Variants in ADGRG4 observed in about 807,000 individuals in gnomAD.
ADGRG4 encodes adhesion G protein-coupled receptor G4, also known as G protein-coupled receptor 112.
ADGRG4 carries 122 observed loss-of-function variants against 126.2 expected under a neutral mutation model. The observed-to-expected ratio is 0.97, with a 90% confidence interval of 0.83 to 1.12. The LOEUF is 1.12. Ranked by LOEUF, ADGRG4 falls within the 50% of genes most tolerant of loss-of-function variation. The pLI is 0.00. For missense variants in ADGRG4, 2,481 were observed against 2,251.8 expected (o/e 1.10, Z -2.06); for synonymous variants, 943 against 838.7 (o/e 1.12, Z -2.15).
chrX:136,351,472 C>T lies in ADGRG4; in HGVS notation c.6753C>T (p.Ser2251=), dbSNP rs749773321. 1 of 1,151,993 alleles carries T rather than the reference C, an allele frequency of 8.7e-7. No individual in the cohort carries two copies. The highest frequency in any genetic ancestry group is 2.4e-5 in the Admixed American group (1 of 41,371). The allele number at this position is 1,151,993 out of a possible 1,213,427, so 94.9% of individuals were successfully genotyped here. ...STVSFYNVEM[S]FSVFVEEPRI... ...TTTCCTTCTACAATGTTGAAATGAG[C>T]TTCTCTGTCTTTGTTGAAGAGCCAA... Residue 2251 remains serine (S), a synonymous_variant, in exon 7 of 26, where the codon AGC becomes AGT. Coordinates refer to ENST00000394143, the MANE Select transcript of ADGRG4 (RefSeq NM_153834.4).
intron 5 of ADGRG4, among the ~76,000 whole-genome samples, chrX:136,340,521 T>C (rs2074973130): frequency 8.9e-6 from 1 of 111,823 alleles, no homozygotes; most frequent in African/African-American, 3.2e-5. Flanking sequence ...TTTCACTGTT[T>C]TGGATGATTG....
intron 5 of ADGRG4, 121 bp from the exon 6 acceptor site, chrX:136,344,271 G>A (rs962464132): frequency 2.1e-6 from 1 of 475,482 alleles, no homozygotes; most frequent in East Asian, 3.8e-5. Flanking sequence ...AAGTGATCAA[G>A]TGATTTGATT....
At position 136,345,354 on chromosome X, in the gene ADGRG4, A is replaced by G. The variant is rs763208368; in HGVS notation, c.1648A>G (p.Lys550Glu). 16 of 1,209,374 alleles carry G rather than the reference A, an allele frequency of 1.3e-5. No individual in the cohort carries two copies. In the East Asian group the frequency reaches 4.7e-4, roughly 36 times the overall value. The change falls in exon 6 of 26, where the codon AAA becomes GAA. Residue 550 changes from lysine to glutamate, a missense_variant. Lys to Glu is a moderately conservative substitution (Grantham distance 56). Transcript: ENST00000394143. ...VEDAMSTSMS[K>E]ETSSKTFSFL... Reference sequence around the variant, plus strand: ...AGATGCCATGTCTACTTCCATGTCGAAAGAGACCTCCTCTAAGACCTTTTC... The same window carrying G: ...AGATGCCATGTCTACTTCCATGTCGGAAGAGACCTCCTCTAAGACCTTTTC...
chrX:136,309,610 A>T (rs1296765882), intron 4 of ADGRG4, among the ~76,000 whole-genome samples: 1 of 112,067 alleles, frequency 8.9e-6, no homozygotes, highest in Non-Finnish European at 1.9e-5. Context: ...CTCAAGCGTA[A>T]GAGCTAATCT....
At position 136,359,436 on chromosome X, in the gene ADGRG4, C is replaced by T; in HGVS notation, c.7125C>T (p.His2375=). The change falls in exon 11 of 26, where the codon CAC becomes CAT. Residue 2375 remains histidine, a synonymous_variant. Transcript: ENST00000394143. ...DQLTLLVNCE[H]VAVKKLEPGN... is the part of the protein sequence containing the mutation. ...TGACGTTATTAGTAAACTGTGAACA[C>T]GTTGCAGTGAAAAAACTAGGTAATT... The T allele has an allele frequency of 1.7e-6, 2 of 1,196,058 alleles. No individual in the cohort carries two copies. The highest frequency in any genetic ancestry group is 2.2e-6 in the Non-Finnish European group (2 of 889,003).
At chrX:136,318,452 G>C (rs2074819027) in intron 4 of ADGRG4, among the ~76,000 whole-genome samples, 1 of 111,860 alleles carries the variant, frequency 8.9e-6, no homozygotes, top group African/African-American at 3.2e-5. Context: ...TCTGGAATTA[G>C]ATAATGGCGA....
At chrX:136,369,430 G>T (rs1362383644) in intron 13 of ADGRG4, among the ~76,000 whole-genome samples, 2 of 111,946 alleles carry the variant, frequency 1.8e-5, no homozygotes, top group Admixed American at 9.5e-5. Flanking sequence ...TTTACACGAT[G>T]AGTGTAATTT....
At position 136,348,539 on chromosome X, in the gene ADGRG4, A is replaced by T. The variant is rs776653599; in HGVS notation, c.4833A>T (p.Thr1611=). Residue 1611 remains threonine (T), a synonymous_variant, in exon 6 of 26, where the codon ACA becomes ACT. Transcript: ENST00000394143. The stretch of plus-strand genomic sequence containing the variant: ...TGCAAACATCTACATTGGATGTCAC[A>T]CCTGTGATATATGCTGGGGCTACTT... ...MTMQTSTLDV[T]PVIYAGATSK... 1 of 1,207,493 alleles carries T rather than the reference A, an allele frequency of 8.3e-7. No individual in the cohort carries two copies. Among genetic ancestry groups the T allele is most frequent in the East Asian group, 3.0e-5 (1 of 33,767 alleles).
At chrX:136,311,837 A>C (rs1014053186) in intron 4 of ADGRG4, among the ~76,000 whole-genome samples, 1 of 110,965 alleles carries the variant, frequency 9.0e-6, no homozygotes, top group Admixed American at 9.7e-5. Context: ...GAAAAGCCCT[A>C]TCTTTTCTTT....
intron 16 of ADGRG4, among the ~76,000 whole-genome samples, chrX:136,388,924 T>C (rs2075305483): frequency 1.8e-5 from 2 of 112,288 alleles, no homozygotes; most frequent in Non-Finnish European, 1.9e-5. Context: ...ACAATAATTT[T>C]CCCAGATGTG....
chrX:136,370,013 A>C (rs1342179952), intron 13 of ADGRG4, among the ~76,000 whole-genome samples: 1 of 112,042 alleles, frequency 8.9e-6, no homozygotes, highest in Non-Finnish European at 1.9e-5. Context: ...GAAAGCAAAA[A>C]GTAGCCTGTG....
intron 16 of ADGRG4, among the ~76,000 whole-genome samples, chrX:136,389,517 C>T (rs1003682338): frequency 2.7e-5 from 3 of 111,797 alleles, no homozygotes; most frequent in Non-Finnish European, 5.6e-5. Context: ...ATCATAGTAC[C>T]AGATGAAGAA....
At chrX:136,341,205 C>T (rs1248674275) in intron 5 of ADGRG4, among the ~76,000 whole-genome samples, 1 of 112,517 alleles carries the variant, frequency 8.9e-6, no homozygotes, top group Non-Finnish European at 1.9e-5. Flanking sequence ...CATTCCCCGT[C>T]TTCTAAAAGA....
Position 136,405,894 on chromosome X carries a change from TG to T in ADGRG4, c.8862del (p.Phe2955LeufsTer9), listed in dbSNP as rs2075404750. ...CCTGACATTCTTACTTGGCCTCACC[TG>T]GGGGTTTGCATTTTTTGCTTGGGGA... ...MSLTFLLGLT[W>X]GFAFFAWGPM... On this transcript the variant is annotated frameshift_variant, in exon 23 of 26. Transcript: ENST00000394143. LOFTEE classifies it high-confidence loss of function. 2 of 1,184,381 alleles carry T rather than the reference TG, an allele frequency of 1.7e-6. No individual in the cohort carries two copies. Among genetic ancestry groups the T allele is most frequent in the East Asian group, 3.0e-5 (1 of 33,277 alleles).
At chrX:136,371,699 A>ACG (rs2075195649) in intron 14 of ADGRG4, among the ~76,000 whole-genome samples, 155 bp downstream of exon 14, 1 of 112,027 alleles carries the variant, frequency 8.9e-6, no homozygotes, top group Non-Finnish European at 1.9e-5. Flanking sequence ...ACAAGTACAG[A>ACG]ATTTTTTCTC....
intron 5 of ADGRG4, among the ~76,000 whole-genome samples, chrX:136,332,164 C>A (rs748590094): frequency 2.0e-5 from 2 of 100,651 alleles, no homozygotes; most frequent in Admixed American, 2.2e-4. Context: ...CCTCCCACCA[C>A]CCCACAACAG....
At chrX:136,309,518 C>T (rs2074754664) in intron 4 of ADGRG4, among the ~76,000 whole-genome samples, 1 of 112,294 alleles carries the variant, frequency 8.9e-6, no homozygotes, top group Non-Finnish European at 1.9e-5. Flanking sequence ...TTATTTAGCA[C>T]ATAAGTACTT....
At chrX:136,375,375 A>G (rs1452693376) in intron 15 of ADGRG4, among the ~76,000 whole-genome samples, 1 of 111,765 alleles carries the variant, frequency 8.9e-6, no homozygotes, top group Non-Finnish European at 1.9e-5. Flanking sequence ...TCATATAATG[A>G]CTTCTTTTCC....
At chrX:136,333,142 A>T (rs1287371005) in intron 5 of ADGRG4, among the ~76,000 whole-genome samples, 1 of 111,749 alleles carries the variant, frequency 8.9e-6, no homozygotes, top group Non-Finnish European at 1.9e-5. Context: ...CCATATGTAG[A>T]AAGCTGAAAC....
Sources: gnomAD v4.1 joint callset for allele counts (sites outside exome capture counted in the v4.1 genomes callset) on GRCh38, gnomAD v4.1.1 for gene constraint, MANE v1.5 for transcripts, NCBI Gene and HGNC (gene_info 2026-07-23, HGNC 2026-07-21) for gene names.